CACNA1B: variants seen among roughly 807,000 people sequenced by gnomAD.
CACNA1B encodes the protein voltage-dependent N-type calcium channel subunit alpha-1B.
A neutral mutation model predicts 247.2 loss-of-function variants in CACNA1B; 70 were observed. That is an observed-to-expected ratio of 0.28 (90% confidence interval 0.23 to 0.35). CACNA1B has a LOEUF of 0.35. Ranked by LOEUF, CACNA1B falls within the 10% of genes least tolerant of loss-of-function variation. The pLI is 1.00. For missense variants in CACNA1B, 2,367 were observed against 3,197.4 expected, an observed-to-expected ratio of 0.74 and a Z score of 6.26; for synonymous variants, 1,231 against 1,294.4, an observed-to-expected ratio of 0.95 and a Z score of 1.05.
At chr9:137,887,119 G>A (rs1422725264) in intron 3 of CACNA1B, among the ~76,000 whole-genome samples, 2 of 151,984 alleles carry the variant, frequency 1.3e-5, no homozygotes, top group East Asian at 3.9e-4. Flanking sequence ...CAGCGGAGGT[G>A]TGCCTGGCGT....
chr9:138,035,820 A>G (rs1028388052), intron 20 of CACNA1B, among the ~76,000 whole-genome samples: 6 of 152,104 alleles, frequency 3.9e-5, no homozygotes, highest in Non-Finnish European at 8.8e-5. Flanking sequence ...CATGACATTG[A>G]GCTTTTCTAC....
chr9:137,959,955 G>T (rs1419979630), intron 10 of CACNA1B, among the ~76,000 whole-genome samples: 2 of 152,166 alleles, frequency 1.3e-5, no homozygotes, highest in African/African-American at 2.4e-5. Flanking sequence ...CGTGTGGAGG[G>T]GGGGCGGTGC....
rs528799300 is a variant in CACNA1B, at chr9:138,024,262, G to A, written c.3068+451G>A. Among the ~76,000 whole-genome samples the A allele has an allele frequency of 4.8e-4, 73 of 152,324 alleles. 1 individual carries two copies. Among genetic ancestry groups the A allele is most frequent in the Admixed American group, 4.6e-3 (71 of 15,314 alleles). On this transcript the variant is annotated intron_variant, in intron 19 of 46. Coordinates refer to ENST00000371372, the MANE Select transcript of CACNA1B (RefSeq NM_000718.4). ...GAGCGGGGTGTGGGGGCCAGGCTGT[G>A]TGACCATGACAGAAAGAACCCCAGC...
chr9:138,073,037 C>A lies in CACNA1B; in HGVS notation c.4675-451C>A, dbSNP rs147784613. Among the ~76,000 whole-genome samples the A allele has an allele frequency of 6.6e-6, 1 of 152,212 alleles. No homozygotes were observed. The highest frequency in any genetic ancestry group is 2.4e-5 in the African/African-American group (1 of 41,458). On this transcript the variant is annotated intron_variant, in intron 32 of 46. Transcript: ENST00000371372. The surrounding 1 kb of genome is among the most constrained non-coding windows in gnomAD (Gnocchi z 6.4). ...TGAGCCAGGGAGGAAAGGGCATAGC[C>A]GTGAAGCCTGGGCGGGGGTCCCTTC... is the stretch of plus-strand genomic sequence containing the variant.
At chr9:138,029,339 G>T (rs953365562) in intron 20 of CACNA1B, among the ~76,000 whole-genome samples, 4 of 152,186 alleles carry the variant, frequency 2.6e-5, no homozygotes, top group Admixed American at 6.5e-5. Context: ...GAATTATCTT[G>T]TGAAATTGTT....
chr9:137,878,298 G>C, intron 1 of CACNA1B, 81 bp downstream of exon 1: 1 of 1,139,222 alleles, frequency 8.8e-7, no homozygotes, highest in Non-Finnish European at 1.1e-6. Context: ...CCCGGTGGCC[G>C]GGAGGGCGCG....
chr9:138,116,229 A>AGAT (rs1961864643), intron 42 of CACNA1B, among the ~76,000 whole-genome samples: 1 of 151,550 alleles, frequency 6.6e-6, no homozygotes, highest in Non-Finnish European at 1.5e-5. Flanking sequence ...CCCGTAAGGC[A>AGAT]CTTTTCCTCT....
chr9:137,959,685 G>T (rs558928019), intron 10 of CACNA1B, among the ~76,000 whole-genome samples: 3 of 152,276 alleles, frequency 2.0e-5, no homozygotes, highest in African/African-American at 7.2e-5. Flanking sequence ...GCTGTGCACC[G>T]GCTCTCTGGC....
rs1352753836 is a variant in CACNA1B at position 137,913,855 on chromosome 9, T to G, written c.622+584T>G. On this transcript the variant is annotated intron_variant, in intron 4 of 46. Coordinates refer to ENST00000371372, the MANE Select transcript of CACNA1B (RefSeq NM_000718.4). The surrounding 1 kb of genome is among the most constrained non-coding windows in gnomAD (Gnocchi z 5.2). ...CTAAGGGCCTGAGTGGACATGGAAC[T>G]AGAGCTGTGTCCTCCTGAGGCCACT... Among the ~76,000 whole-genome samples the G allele has an allele frequency of 2.0e-5, 3 of 152,280 alleles. No homozygotes were observed. Among genetic ancestry groups the G allele is most frequent in the African/African-American group, 7.2e-5 (3 of 41,562 alleles).
chr9:138,041,116 T>C (rs1220599291), intron 20 of CACNA1B, among the ~76,000 whole-genome samples: 1 of 152,170 alleles, frequency 6.6e-6, no homozygotes, highest in Non-Finnish European at 1.5e-5. Context: ...GGAAGGTTTT[T>C]GTCAGAGAGG....
rs118175552 is a variant in CACNA1B, at chr9:137,986,618, C to T, written c.1901+74C>T. 0.035 allele frequency: 54,427 copies of T among 1,567,076 alleles called. 1,167 individuals carry two copies. The highest frequency in any genetic ancestry group is 0.071 in the South Asian group (6,354 of 89,322). ...GCAGAGCTCAGAGCAGACGGTGCCG[C>T]CCAGGCTGCCTCCACCCACCTTCCC... On this transcript the variant is annotated intron_variant, in intron 14 of 46. Transcript: ENST00000371372. This position sits in a 1 kb window ranked among gnomAD's most constrained non-coding sequence, Gnocchi z 6.0.
At chr9:137,911,573 G>A (rs555530356) in intron 3 of CACNA1B, among the ~76,000 whole-genome samples, 22 of 152,218 alleles carry the variant, frequency 1.4e-4, no homozygotes, top group African/African-American at 3.6e-4. Context: ...GCGCTACTGC[G>A]CCCAGCTAGT....
In CACNA1B at chr9:138,073,665, C is replaced by G. The variant is rs1186500351; in HGVS notation, c.4791+61C>G. 5 of 990,486 alleles carry G rather than the reference C, an allele frequency of 5.0e-6. No homozygotes were observed. Among genetic ancestry groups the G allele is most frequent in the Non-Finnish European group, 6.5e-6 (4 of 615,242 alleles). The allele number at this position is 990,486 out of a possible 1,614,324, so 61.4% of individuals were successfully genotyped here. ...CCTTCCTCCGTCTTGCTTCCCCTGC[C>G]CCCACCACAGTGGCCCCTCCTTTGG... On this transcript the variant is annotated intron_variant, in intron 33 of 46. Transcript: ENST00000371372. The surrounding 1 kb of genome is among the most constrained non-coding windows in gnomAD (Gnocchi z 6.4).
At position 137,891,882 on chromosome 9, in the gene CACNA1B, C is replaced by T. The variant is rs1024099522; in HGVS notation, c.530+8999C>T. ...ACATGGTAGCACCCCCCACCCAGTC[C>T]CTGCCCTCTTCACGACCCTGCTGTG... On this transcript the variant is annotated intron_variant, in intron 3 of 46. Transcript: ENST00000371372. This position sits in a 1 kb window ranked among gnomAD's most constrained non-coding sequence, Gnocchi z 4.3. The T allele has an allele frequency of 1.1e-5, 4 of 366,984 alleles. No homozygotes were observed. The highest frequency in any genetic ancestry group is 2.2e-5 in the Non-Finnish European group (4 of 185,252). 22.7% of individuals were successfully genotyped at this position (366,984 alleles called of 1,614,324 possible). A position where few individuals can be genotyped will look rare whatever the true frequency, so the allele number is the denominator to read the frequency against.
At position 138,061,334 on chromosome 9, in the gene CACNA1B, A is replaced by G. The variant is rs370368286; in HGVS notation, c.4668+1597A>G. 1.4e-4 allele frequency among the ~76,000 whole-genome samples: 21 copies of G among 152,198 alleles called. No individual in the cohort carries two copies. In the East Asian group the frequency reaches 1.9e-3, roughly 14 times the overall value. ...TTGAACCAGGGCCTCTAGATTTGCCAGACCTAAAATTGGGGAAGATGAGCG... is the reference window on the plus strand; with the variant it reads ...TTGAACCAGGGCCTCTAGATTTGCCGGACCTAAAATTGGGGAAGATGAGCG... On this transcript the variant is annotated intron_variant, in intron 31 of 46. Coordinates refer to ENST00000371372, the MANE Select transcript of CACNA1B (RefSeq NM_000718.4).
chr9:137,891,962 C>G lies in CACNA1B; in HGVS notation c.530+9079C>G, dbSNP rs1474034977. On this transcript the variant is annotated intron_variant, in intron 3 of 46. Coordinates refer to ENST00000371372, the MANE Select transcript of CACNA1B (RefSeq NM_000718.4). The surrounding 1 kb of genome is among the most constrained non-coding windows in gnomAD (Gnocchi z 4.3). Reference sequence around the variant, plus strand: ...TTCTAGCCAATGCCACCCTCCCTGTCTCCCCTGAGAGCACAGGAGCCTGGT... The same window carrying G: ...TTCTAGCCAATGCCACCCTCCCTGTGTCCCCTGAGAGCACAGGAGCCTGGT... The G allele has an allele frequency of 2.3e-6, 1 of 436,380 alleles. No individual in the cohort carries two copies. The highest frequency in any genetic ancestry group is 4.6e-6 in the Non-Finnish European group (1 of 215,668). 27.0% of individuals were successfully genotyped at this position (436,380 alleles called of 1,614,324 possible).
intron 20 of CACNA1B, among the ~76,000 whole-genome samples, chr9:138,026,335 C>G (rs1958920777): frequency 6.6e-6 from 1 of 152,176 alleles, no homozygotes; most frequent in Non-Finnish European, 1.5e-5. Flanking sequence ...AGCTCCCTCA[C>G]CTGATTCTCT....
intron 39 of CACNA1B, among the ~76,000 whole-genome samples, chr9:138,109,921 C>T (rs1056368789): frequency 2.6e-5 from 4 of 151,810 alleles, no homozygotes; most frequent in Non-Finnish European, 5.9e-5. Flanking sequence ...AAAAGCTGGG[C>T]CTGCTGGTGT....
chr9:138,037,343 A>G (rs1959058934), intron 20 of CACNA1B, among the ~76,000 whole-genome samples: 1 of 152,198 alleles, frequency 6.6e-6, no homozygotes, highest in Non-Finnish European at 1.5e-5. Context: ...TGTGACAACC[A>G]AAGGATGTCT....
Sources: allele counts gnomAD v4.1 joint callset (sites outside exome capture counted in the v4.1 genomes callset), GRCh38; gene constraint gnomAD v4.1.1; non-coding constraint Gnocchi (gnomAD v3.1); transcripts MANE v1.5; gene names NCBI Gene and HGNC (gene_info 2026-07-23, HGNC 2026-07-21).